Variants in TMEM230 observed in about 807,000 individuals in gnomAD.
TMEM230 encodes the protein transmembrane protein 230.
TMEM230 carries 10 observed loss-of-function variants against 15.8 expected under a neutral mutation model. The ratio of observed to expected loss-of-function variants is 0.63; its 90% CI spans 0.39 to 1.07. The LOEUF (loss-of-function observed/expected upper bound fraction) is 1.07, where lower values mean the gene tolerates loss of function less well. Ranked by LOEUF, TMEM230 falls within the 50% of genes least tolerant of loss-of-function variation. The probability of loss-of-function intolerance (pLI) is 0.01; values close to 1 mark genes in which losing one functional copy is unlikely to be tolerated. For missense variants in TMEM230, 165 were observed against 193.3 expected (o/e 0.85, Z 0.87); for synonymous variants, 67 against 76.9 (o/e 0.87, Z 0.68).
chr20:5,111,888 C>A, intron 1 of TMEM230: 1 of 685,940 alleles, frequency 1.5e-6, no homozygotes, highest in Non-Finnish European at 1.8e-6. Flanking sequence ...GCTCTGTCAC[C>A]CAGGCTAGAG....
At chr20:5,102,179 T>A (rs910968426) in intron 4 of TMEM230, among the ~76,000 whole-genome samples, 1 of 152,182 alleles carries the variant, frequency 6.6e-6, no homozygotes, top group African/African-American at 2.4e-5. Context: ...GAAAAACATG[T>A]TTTGCCAACA....
intron 3 of TMEM230, among the ~76,000 whole-genome samples, chr20:5,108,874 AAAG>A (rs1185948219): frequency 6.6e-6 from 1 of 152,242 alleles, no homozygotes; most frequent in African/African-American, 2.4e-5. Flanking sequence ...TGACATCAGG[AAAG>A]AAGGAAGATT....
At chr20:5,084,211 T>C (rs1407318716) in intron 3 of TMEM230, among the ~76,000 whole-genome samples, 3 of 151,750 alleles carry the variant, frequency 2.0e-5, no homozygotes, top group Non-Finnish European at 4.4e-5. Flanking sequence ...TATGGCTGCA[T>C]AATATTCTAT....
At chr20:5,086,161 A>C (rs2089331223) in intron 3 of TMEM230, among the ~76,000 whole-genome samples, 1 of 150,928 alleles carries the variant, frequency 6.6e-6, no homozygotes, top group Non-Finnish European at 1.5e-5. Flanking sequence ...TTGGGAGGCC[A>C]AGGTGGGAGG....
intron 3 of TMEM230, among the ~76,000 whole-genome samples, chr20:5,071,724 T>C (rs903182282): frequency 6.6e-6 from 1 of 152,000 alleles, no homozygotes; most frequent in Non-Finnish European, 1.5e-5. Context: ...TAGAGAAAGA[T>C]ATACAGGACG....
chr20:5,059,439 G>A, the TMEM230 span, among the ~76,000 whole-genome samples: 2 of 152,068 alleles, frequency 1.3e-5, no homozygotes, highest in African/African-American at 4.8e-5. Flanking sequence ...AAACTTGTAT[G>A]TAAGGTTTAA....
At chr20:5,066,442 T>G (rs2088653502), downstream of TMEM230, 1 of 151,992 alleles carries the variant, frequency 6.6e-6, no homozygotes, top group Non-Finnish European at 1.5e-5. Flanking sequence ...GGCTGAGGTG[T>G]GAGGATCATC....
intron 3 of TMEM230, among the ~76,000 whole-genome samples, chr20:5,107,081 C>A (rs2122792954): frequency 6.6e-6 from 1 of 152,234 alleles, no homozygotes; most frequent in East Asian, 1.9e-4. Context: ...GCAGGCGGAT[C>A]ACTTGAGTTC....
chr20:5,081,058 G>A (rs1600295328), intron 3 of TMEM230, among the ~76,000 whole-genome samples: 1 of 152,302 alleles, frequency 6.6e-6, no homozygotes, highest in South Asian at 2.1e-4. Flanking sequence ...ATTCAACAGT[G>A]TACAGGCCAA....
At chr20:5,093,955 T>TC (rs1321990355) in intron 3 of TMEM230, among the ~76,000 whole-genome samples, 1 of 150,864 alleles carries the variant, frequency 6.6e-6, no homozygotes, top group Non-Finnish European at 1.5e-5. Context: ...GCTTTTTTTT[T>TC]CCCCTTTTTC....
the TMEM230 span, among the ~76,000 whole-genome samples, chr20:5,063,084 G>A: frequency 0.028 from 4,256 of 151,932 alleles, 199 homozygotes; most frequent in African/African-American, 0.094. Flanking sequence ...GCCTCACCAC[G>A]GCTGTCCTAC....
At chr20:5,067,151 G>A (rs761278857), downstream of TMEM230, 3 of 151,970 alleles carry the variant, frequency 2.0e-5, no homozygotes, top group African/African-American at 4.8e-5. Context: ...GCAGAGCTGG[G>A]TAAAAGATGC....
chr20:5,089,246 G>A (rs374451430), intron 3 of TMEM230, among the ~76,000 whole-genome samples: 11 of 152,166 alleles, frequency 7.2e-5, no homozygotes, highest in African/African-American at 2.4e-4. Flanking sequence ...GTGGTGGCAC[G>A]CACCTATAGT....
the TMEM230 span, among the ~76,000 whole-genome samples, chr20:5,059,797 ACAG>A: frequency 2.5e-5 from 3 of 118,290 alleles, no homozygotes; most frequent in Non-Finnish European, 5.0e-5. Context: ...TTTTTTTGAG[ACAG>A]AGTCTCGCTC....
At chr20:5,078,182 C>T (rs185549272) in intron 3 of TMEM230, among the ~76,000 whole-genome samples, 39 of 152,002 alleles carry the variant, frequency 2.6e-4, no homozygotes, top group African/African-American at 8.7e-4. Flanking sequence ...GTGTAGACGC[C>T]CAGGGACCCA....
At chr20:5,060,943 C>T in the TMEM230 span, 1 of 152,090 alleles carries the variant, frequency 6.6e-6, no homozygotes, top group Non-Finnish European at 1.5e-5. Flanking sequence ...TATGTTCTCA[C>T]TAGTAGTATA....
chr20:5,110,116 G>A (rs563559739), intron 2 of TMEM230, among the ~76,000 whole-genome samples: 1 of 152,160 alleles, frequency 6.6e-6, no homozygotes, highest in South Asian at 2.1e-4. Flanking sequence ...GAGTGCAGTG[G>A]GTTGATCTCA....
In TMEM230 at chr20:5,112,973, C is replaced by A. The variant is rs1357729618; in HGVS notation, c.56G>T (p.Gly19Val). ...ACACACGCCTTACCGGAGCGCCGCG[C>A]CAGGCCGCCCGCACACCCAGAGCTC... is the stretch of plus-strand genomic sequence containing the variant. Residue 19 changes from glycine to valine, a missense_variant, in exon 1 of 5, where the codon GGC (glycine) becomes GTC (valine). Physicochemically the swap from Gly to Val is moderately radical, Grantham distance 109. Coordinates refer to ENST00000342308, the MANE Select transcript of TMEM230 (RefSeq NM_001009923.2). The A allele has an allele frequency of 2.6e-6, 4 of 1,550,484 alleles. No homozygotes were observed. The highest frequency in any genetic ancestry group is 1.7e-4 in the Middle Eastern group (1 of 5,980).
chr20:5,081,864 CTTTTTTTT>C (rs2089184309), intron 3 of TMEM230, among the ~76,000 whole-genome samples: 1 of 140,334 alleles, frequency 7.1e-6, no homozygotes, highest in East Asian at 2.0e-4. Context: ...CACTGATTTT[CTTTTTTTT>C]CTTTTTTTTT....
Sources: gnomAD v4.1 joint callset for allele counts (sites outside exome capture counted in the v4.1 genomes callset) on GRCh38, gnomAD v4.1.1 for gene constraint, MANE v1.5 for transcripts, NCBI Gene and HGNC (gene_info 2026-07-23, HGNC 2026-07-21) for gene names.